The following SHISA9 variants were observed in gnomAD, a reference collection of about 807,000 sequenced individuals.
SHISA9 encodes shisa family member 9.
SHISA9 carries 13 observed loss-of-function variants against 38.0 expected under a neutral mutation model. The ratio of observed to expected loss-of-function variants is 0.34; its 90% CI spans 0.22 to 0.54. The LOEUF (loss-of-function observed/expected upper bound fraction) is 0.54, where lower values mean the gene tolerates loss of function less well. Ranked by LOEUF, SHISA9 falls within the 20% of genes least tolerant of loss-of-function variation. The probability of loss-of-function intolerance (pLI) is 0.91; values close to 1 mark genes in which losing one functional copy is unlikely to be tolerated. For synonymous variants in SHISA9, 275 were observed against 242.0 expected, an observed-to-expected ratio of 1.14 and a Z score of -1.27; for missense variants, 538 against 575.8, an observed-to-expected ratio of 0.93 and a Z score of 0.67.
chr16:13,329,525 T>G, the SHISA9 span, among the ~76,000 whole-genome samples: 2 of 152,198 alleles, frequency 1.3e-5, no homozygotes, highest in East Asian at 1.9e-4. Flanking sequence ...CTTTTCATTT[T>G]CTTCCCACTC....
At chr16:13,085,748 A>G (rs933869398) in intron 2 of SHISA9, among the ~76,000 whole-genome samples, 8 of 152,162 alleles carry the variant, frequency 5.3e-5, no homozygotes, top group African/African-American at 1.9e-4. Flanking sequence ...TCGCAGTCTT[A>G]TTTCTATATC....
At chr16:13,253,338 A>G in the SHISA9 span, among the ~76,000 whole-genome samples, 1 of 152,290 alleles carries the variant, frequency 6.6e-6, no homozygotes, top group Non-Finnish European at 1.5e-5. Flanking sequence ...TTCTACTATC[A>G]TGTCAACGTC....
intron 2 of SHISA9, among the ~76,000 whole-genome samples, chr16:13,003,883 T>G (rs374371932): frequency 0.14 from 19,853 of 146,806 alleles, 1,463 homozygotes; most frequent in Middle Eastern, 0.22. Flanking sequence ...ATAATAATAA[T>G]AATAATAAGA....
the SHISA9 span, among the ~76,000 whole-genome samples, chr16:13,319,159 C>A: frequency 1.3e-5 from 2 of 152,206 alleles, no homozygotes; most frequent in African/African-American, 4.8e-5. Context: ...AGGCTCATGC[C>A]ACAAGGCACT....
chr16:13,362,561 G>A, the SHISA9 span, among the ~76,000 whole-genome samples: 4 of 152,200 alleles, frequency 2.6e-5, no homozygotes, highest in East Asian at 1.9e-4. Context: ...AGCAGGGAGT[G>A]GAGAAGAGGA....
intron 2 of SHISA9, among the ~76,000 whole-genome samples, chr16:13,087,353 G>T (rs954756820): frequency 6.6e-6 from 1 of 152,074 alleles, no homozygotes; most frequent in African/African-American, 2.4e-5. Flanking sequence ...TAATGGGATT[G>T]CTAGGTCAAA....
At chr16:13,243,749 T>C (rs1444993079), downstream of SHISA9, among the ~76,000 whole-genome samples, 1 of 151,720 alleles carries the variant, frequency 6.6e-6, no homozygotes, top group Non-Finnish European at 1.5e-5. Context: ...CTTAGAATTT[T>C]ATTTTTGGTT....
chr16:13,471,157 G>A, the SHISA9 span, among the ~76,000 whole-genome samples: 9 of 151,998 alleles, frequency 5.9e-5, no homozygotes, highest in African/African-American at 2.2e-4. Flanking sequence ...TTGTTTTTCT[G>A]TGTATGTCTG....
chr16:13,156,561 C>T (rs955692973), intron 2 of SHISA9, among the ~76,000 whole-genome samples: 2 of 151,804 alleles, frequency 1.3e-5, no homozygotes, highest in African/African-American at 4.8e-5. Flanking sequence ...GGTGAAACCC[C>T]GTCTCTACTA....
At chr16:12,988,645 C>G (rs527771397) in intron 2 of SHISA9, among the ~76,000 whole-genome samples, 1 of 152,118 alleles carries the variant, frequency 6.6e-6, no homozygotes, top group Non-Finnish European at 1.5e-5. Flanking sequence ...CTCCCTCAGC[C>G]ACCCGAGTAG....
chr16:12,947,821 G>T (rs945622811), intron 2 of SHISA9, among the ~76,000 whole-genome samples: 1 of 152,136 alleles, frequency 6.6e-6, no homozygotes, highest in Non-Finnish European at 1.5e-5. Context: ...AACACAAATG[G>T]TATAATTTTG....
Position 13,066,093 on chromosome 16 carries a change from C to T in SHISA9, c.692-137301C>T, listed in dbSNP as rs369498364. On this transcript the variant is annotated intron_variant, in intron 2 of 4. Transcript: ENST00000558583. ...TCTCCATCCCTCACTGAGGGAGATA[C>T]GAACTTTCAGAGCCAGTGTCTGATT... 7.9e-5 allele frequency among the ~76,000 whole-genome samples: 12 copies of T among 152,310 alleles called. No individual in the cohort carries two copies. The East Asian group carries it at 1.5e-3, about 20-fold the overall frequency.
At chr16:13,282,799 G>A in the SHISA9 span, among the ~76,000 whole-genome samples, 1 of 151,972 alleles carries the variant, frequency 6.6e-6, no homozygotes, top group African/African-American at 2.4e-5. Context: ...TGGACTTTTC[G>A]TTACTATACT....
chr16:13,424,179 G>A, the SHISA9 span, among the ~76,000 whole-genome samples: 12 of 151,842 alleles, frequency 7.9e-5, no homozygotes, highest in East Asian at 1.8e-3. Flanking sequence ...CCTAACTCAC[G>A]CCAATTCTGC....
intron 2 of SHISA9, among the ~76,000 whole-genome samples, chr16:13,113,340 G>C (rs769037407): frequency 2.6e-5 from 4 of 152,152 alleles, no homozygotes; most frequent in Non-Finnish European, 4.4e-5. Flanking sequence ...GCCAGTCACA[G>C]AGTATCTGCT....
chr16:13,026,694 G>A (rs948764733), intron 2 of SHISA9, among the ~76,000 whole-genome samples: 1 of 152,208 alleles, frequency 6.6e-6, no homozygotes. Context: ...CTGTGGGTCA[G>A]TTCTGACCTC....
intron 2 of SHISA9, among the ~76,000 whole-genome samples, chr16:13,026,044 A>T (rs979558411): frequency 3.9e-5 from 6 of 152,262 alleles, no homozygotes; most frequent in Admixed American, 3.9e-4. Flanking sequence ...ACCTCAGATG[A>T]TCCACCAGCC....
chr16:13,067,751 C>T (rs1244101191), intron 2 of SHISA9, among the ~76,000 whole-genome samples: 4 of 152,216 alleles, frequency 2.6e-5, no homozygotes, highest in South Asian at 4.1e-4. Flanking sequence ...GTCCCCAGTC[C>T]GCCTGCACCT....
intron 2 of SHISA9, among the ~76,000 whole-genome samples, chr16:13,118,096 G>T (rs2074048364): frequency 6.6e-6 from 1 of 151,624 alleles, no homozygotes; most frequent in Admixed American, 6.6e-5. Flanking sequence ...GCAGGAGAAT[G>T]GCTTGAACCT....
Sources: gnomAD v4.1 joint callset for allele counts (sites outside exome capture counted in the v4.1 genomes callset) on GRCh38, gnomAD v4.1.1 for gene constraint, MANE v1.5 for transcripts, NCBI Gene and HGNC (gene_info 2026-07-23, HGNC 2026-07-21) for gene names.